Variants in RFX3 observed in about 807,000 individuals in gnomAD.
The protein encoded by RFX3 is transcription factor RFX3.
In RFX3, 14 loss-of-function variants were observed where a neutral mutation model predicts 98.6. The ratio of observed to expected loss-of-function variants is 0.14; its 90% CI spans 0.09 to 0.22. The LOEUF is 0.22. Among genes scored for constraint, RFX3 ranks in the 10% least tolerant of loss-of-function variants. The pLI, the probability that RFX3 is intolerant of heterozygous loss-of-function variation, is 1.00. For synonymous variants in RFX3, 383 were observed against 328.4 expected, an observed-to-expected ratio of 1.17 and a Z score of -1.80; for missense variants, 639 against 926.9, an observed-to-expected ratio of 0.69 and a Z score of 4.03.
At chr9:3,494,334 C>A (rs945344800) in intron 1 of RFX3, among the ~76,000 whole-genome samples, 1 of 152,088 alleles carries the variant, frequency 6.6e-6, no homozygotes, top group African/African-American at 2.4e-5. Context: ...TTTTGAGAAT[C>A]CCAAAGAACT....
chr9:3,396,489 C>T (rs930832924), intron 1 of RFX3, among the ~76,000 whole-genome samples: 1 of 152,082 alleles, frequency 6.6e-6, no homozygotes, highest in Admixed American at 6.6e-5. Flanking sequence ...TGAATAGTGC[C>T]GCAGTAAACA....
intron 1 of RFX3, among the ~76,000 whole-genome samples, chr9:3,483,016 C>A (rs1243671051): frequency 6.6e-6 from 1 of 152,150 alleles, no homozygotes; most frequent in Non-Finnish European, 1.5e-5. Context: ...AGAGTATAAG[C>A]AGTTTAGCTA....
At chr9:3,254,094 T>C (rs1245741655) in intron 14 of RFX3, among the ~76,000 whole-genome samples, 1 of 152,092 alleles carries the variant, frequency 6.6e-6, no homozygotes, top group Non-Finnish European at 1.5e-5. Flanking sequence ...ACAAGCCAAT[T>C]ATCCTCAACT....
chr9:3,479,702 T>C (rs545018990), intron 1 of RFX3, among the ~76,000 whole-genome samples: 42 of 152,320 alleles, frequency 2.8e-4, no homozygotes, highest in African/African-American at 7.9e-4. Context: ...GTCCATCTTG[T>C]CTTACTTGGC....
At chr9:3,315,976 A>C (rs1300175598) in intron 4 of RFX3, among the ~76,000 whole-genome samples, 1 of 152,206 alleles carries the variant, frequency 6.6e-6, no homozygotes, top group African/African-American at 2.4e-5. Context: ...TTCCTTCTGA[A>C]ACTATTCCAA....
chr9:3,425,842 C>A (rs908803645), intron 1 of RFX3, among the ~76,000 whole-genome samples: 4 of 151,960 alleles, frequency 2.6e-5, no homozygotes, highest in East Asian at 1.9e-4. Context: ...CTTTAATTTT[C>A]TTCTAAGTTA....
At chr9:3,369,893 C>T (rs182504973) in intron 2 of RFX3, among the ~76,000 whole-genome samples, 18 of 151,970 alleles carry the variant, frequency 1.2e-4, no homozygotes, top group Non-Finnish European at 2.6e-4. Flanking sequence ...GCGGTGGCGC[C>T]ATCTCCGCTC....
At chr9:3,269,841 A>G (rs1303681514) in intron 11 of RFX3, among the ~76,000 whole-genome samples, 2 of 152,110 alleles carry the variant, frequency 1.3e-5, no homozygotes, top group African/African-American at 4.8e-5. Context: ...ATGGAATTCA[A>G]CTTCAGTGGA....
chr9:3,394,806 G>T, intron 2 of RFX3: 1 of 983,866 alleles, frequency 1.0e-6, no homozygotes, highest in Non-Finnish European at 1.2e-6. Context: ...AGAAATCACA[G>T]GCCAGTGTGT....
At chr9:3,310,595 G>A (rs760595491) in intron 4 of RFX3, among the ~76,000 whole-genome samples, 4 of 152,094 alleles carry the variant, frequency 2.6e-5, no homozygotes, top group Non-Finnish European at 5.9e-5. Flanking sequence ...ATTATAAAGG[G>A]TTTCTATATT....
At chr9:3,320,954 T>G (rs1160722947) in intron 4 of RFX3, among the ~76,000 whole-genome samples, 1 of 151,140 alleles carries the variant, frequency 6.6e-6, no homozygotes, top group Non-Finnish European at 1.5e-5. Context: ...TAGGCTGGAG[T>G]ACAATGGCGT....
chr9:3,505,882 T>G (rs574497990), intron 1 of RFX3, among the ~76,000 whole-genome samples: 10 of 151,826 alleles, frequency 6.6e-5, no homozygotes, highest in African/African-American at 2.2e-4. Flanking sequence ...CCCAATTGTT[T>G]GAATGTGAGT....
At position 3,223,649 on chromosome 9, in the gene RFX3, T is replaced by A. The variant is rs948745254; in HGVS notation, c.*1393A>T. On this transcript the variant is annotated 3_prime_UTR_variant, in exon 17 of 17. Coordinates refer to ENST00000617270, the MANE Select transcript of RFX3 (RefSeq NM_001282116.2). ...ACTCAAAGAGGGAAACTGATTTTTGTCTTTTTGTTTTCCTTTGTTTTCCCT... is the reference window on the plus strand; with the variant it reads ...ACTCAAAGAGGGAAACTGATTTTTGACTTTTTGTTTTCCTTTGTTTTCCCT... The A allele has an allele frequency of 4.6e-5, 7 of 152,236 alleles. No homozygotes were observed. Among genetic ancestry groups the A allele is most frequent in the African/African-American group, 1.7e-4 (7 of 41,462 alleles). 9.4% of individuals were successfully genotyped at this position (152,236 alleles called of 1,614,324 possible). A position where few individuals can be genotyped will look rare whatever the true frequency, so the allele number is the denominator to read the frequency against.
In RFX3 at chr9:3,223,728, A is replaced by G. The variant is rs934511961; in HGVS notation, c.*1314T>C. 2 of 152,238 alleles carry G rather than the reference A, an allele frequency of 1.3e-5. No homozygotes were observed. The highest frequency in any genetic ancestry group is 2.9e-5 in the Non-Finnish European group (2 of 68,034). The allele number at this position is 152,238 out of a possible 1,614,324, so 9.4% of individuals were successfully genotyped here. A position where few individuals can be genotyped will look rare whatever the true frequency, so the allele number is the denominator to read the frequency against. On this transcript the variant is annotated 3_prime_UTR_variant, in exon 17 of 17. Coordinates refer to ENST00000617270, the MANE Select transcript of RFX3 (RefSeq NM_001282116.2). ...TCCTTACTTCAGGAATCTGAAAATGACAGGCACACTTTGTCAAATGGATTG... is the reference window on the plus strand; with the variant it reads ...TCCTTACTTCAGGAATCTGAAAATGGCAGGCACACTTTGTCAAATGGATTG...
At chr9:3,330,055 A>G (rs1832407514) in intron 4 of RFX3, among the ~76,000 whole-genome samples, 1 of 152,192 alleles carries the variant, frequency 6.6e-6, no homozygotes, top group African/African-American at 2.4e-5. Context: ...TAAAAACTCT[A>G]ATTCACCTGA....
intron 11 of RFX3, among the ~76,000 whole-genome samples, chr9:3,268,747 C>T (rs931591989): frequency 6.6e-6 from 1 of 151,842 alleles, no homozygotes; most frequent in African/African-American, 2.4e-5. Context: ...AAAATTGATA[C>T]AAGATTTAAA....
intron 15 of RFX3, chr9:3,247,487 T>G (rs929743760): frequency 2.8e-6 from 2 of 705,308 alleles, no homozygotes; most frequent in Admixed American, 1.0e-4. Flanking sequence ...CAGAATAAAG[T>G]AGAACGTATC....
At chr9:3,437,782 G>A (rs1048222289) in intron 1 of RFX3, among the ~76,000 whole-genome samples, 7 of 151,824 alleles carry the variant, frequency 4.6e-5, no homozygotes, top group East Asian at 3.9e-4. Flanking sequence ...CATGTGATGC[G>A]CTTACCTGCA....
chr9:3,266,155 A>C (rs1052949844), intron 12 of RFX3, 53 bp downstream of exon 12: 1 of 1,069,830 alleles, frequency 9.3e-7, no homozygotes, highest in Non-Finnish European at 1.4e-6. Context: ...TAAAGTTCAC[A>C]ATTCAGAATA....
Sources: allele counts gnomAD v4.1 joint callset (sites outside exome capture counted in the v4.1 genomes callset), GRCh38; gene constraint gnomAD v4.1.1; transcripts MANE v1.5; gene names NCBI Gene and HGNC (gene_info 2026-07-23, HGNC 2026-07-21).